The following XKRX variants were observed in gnomAD, a reference collection of about 807,000 sequenced individuals.
The protein encoded by XKRX is XK-related protein 2.
A neutral mutation model predicts 22.4 loss-of-function variants in XKRX; 11 were observed. The ratio of observed to expected loss-of-function variants is 0.49; its 90% CI spans 0.31 to 0.81. The LOEUF (loss-of-function observed/expected upper bound fraction) is 0.81. XKRX is among the 40% of genes least tolerant of loss of function. The probability of loss-of-function intolerance (pLI) is 0.05; values close to 1 mark genes in which losing one functional copy is unlikely to be tolerated. For missense variants in XKRX, 320 were observed against 336.5 expected (o/e 0.95, Z 0.38); for synonymous variants, 114 against 132.2 (o/e 0.86, Z 0.94).
At chrX:100,913,228 G>C (rs5920872), downstream of XKRX, among the ~76,000 whole-genome samples, 2,203 of 109,140 alleles carry the variant, frequency 0.02, 27 homozygotes, top group Non-Finnish European at 0.034. Flanking sequence ...GTAAACTCCT[G>C]TAGGCAGAAA....
chrX:100,890,221 T>C, the XKRX span, among the ~76,000 whole-genome samples: 1 of 110,670 alleles, frequency 9.0e-6, no homozygotes, highest in Non-Finnish European at 1.9e-5. Context: ...TTTTGGTAGA[T>C]TTAAGAAGCG....
chrX:100,911,961 C>T (rs1025247155), downstream of XKRX, among the ~76,000 whole-genome samples: 4 of 111,643 alleles, frequency 3.6e-5, no homozygotes, highest in Non-Finnish European at 5.6e-5. Context: ...AAAATTTTGC[C>T]TGGTCCAGTA....
At position 100,914,211 on chromosome X, in the gene XKRX, T is replaced by A. The variant is rs1367081794; in HGVS notation, c.*127A>T. 1.1e-5 allele frequency: 9 copies of A among 823,353 alleles called. No homozygotes were observed. The Admixed American group carries it at 2.8e-4, about 25-fold the overall frequency. 67.9% of individuals were successfully genotyped at this position (823,353 alleles called of 1,213,427 possible). On this transcript the variant is annotated 3_prime_UTR_variant, in exon 3 of 3. Coordinates refer to ENST00000372956, the MANE Select transcript of XKRX (RefSeq NM_212559.3). Reference sequence around the variant, plus strand: ...ATTTGGGAGTTGCTCTTTCTTCTGATAGGCTTAACAGAAAAGTCAAGAAAA... The same window carrying A: ...ATTTGGGAGTTGCTCTTTCTTCTGAAAGGCTTAACAGAAAAGTCAAGAAAA...
Position 100,918,700 on chromosome X carries a change from A to G in XKRX, c.605-3617T>C, listed in dbSNP as rs187289053. ...ATCTCATAGGGTTGTGGTAAAGATT[A>G]AATAAACATTTACATGTAAAGGGCT... On this transcript the variant is annotated intron_variant, in intron 2 of 2. Coordinates refer to ENST00000372956, the MANE Select transcript of XKRX (RefSeq NM_212559.3). Among the ~76,000 whole-genome samples the G allele has an allele frequency of 1.1e-4, 12 of 112,010 alleles. No individual in the cohort carries two copies. In the East Asian group the frequency reaches 3.4e-3, roughly 31 times the overall value.
the XKRX span, chrX:100,888,134 G>A: frequency 2.6e-5 from 30 of 1,170,411 alleles, no homozygotes; most frequent in South Asian, 1.2e-4. Flanking sequence ...AGTCATGGTC[G>A]TCAAAGGTTA....
chrX:100,943,748 C>A, the XKRX span, among the ~76,000 whole-genome samples: 1 of 112,058 alleles, frequency 8.9e-6, no homozygotes, highest in Non-Finnish European at 1.9e-5. Flanking sequence ...TGTGTTGCTA[C>A]ATACAGCTAT....
At chrX:100,936,577 A>T in the XKRX span, among the ~76,000 whole-genome samples, 1 of 103,340 alleles carries the variant, frequency 9.7e-6, no homozygotes, top group Non-Finnish European at 2.0e-5. Context: ...AAAAGAAAAG[A>T]AAAGAAAAGA....
At chrX:100,953,560 G>A in the XKRX span, among the ~76,000 whole-genome samples, 1 of 111,821 alleles carries the variant, frequency 8.9e-6, no homozygotes, top group African/African-American at 3.2e-5. Flanking sequence ...CATAATGGGA[G>A]AAAATTTTTG....
the XKRX span, among the ~76,000 whole-genome samples, chrX:100,904,005 A>G: frequency 7.8e-4 from 87 of 111,966 alleles, 1 homozygote; most frequent in Non-Finnish European, 1.4e-3. Context: ...ATTTATGGAG[A>G]AGCAAAAGGC....
the XKRX span, among the ~76,000 whole-genome samples, chrX:100,940,184 A>G: frequency 8.9e-6 from 1 of 111,764 alleles, no homozygotes; most frequent in South Asian, 3.7e-4. Flanking sequence ...TTTATGATCT[A>G]ATTTAACACC....
intron 2 of XKRX, among the ~76,000 whole-genome samples, chrX:100,922,409 G>A (rs1044449357): frequency 2.7e-5 from 3 of 111,983 alleles, no homozygotes; most frequent in African/African-American, 9.7e-5. Flanking sequence ...CCTACTGACT[G>A]CTGGTATTAC....
At chrX:100,931,153 TAAAAA>T (rs3833915), upstream of XKRX, among the ~76,000 whole-genome samples, 1 of 87,173 alleles carries the variant, frequency 1.1e-5, no homozygotes, top group Non-Finnish European at 2.3e-5. Context: ...AAATTAAAAA[TAAAAA>T]AAAAAAAAAA....
At chrX:100,919,616 T>C (rs2085462077) in intron 2 of XKRX, among the ~76,000 whole-genome samples, 1 of 111,676 alleles carries the variant, frequency 9.0e-6, no homozygotes, top group South Asian at 3.7e-4. Context: ...AAACAAGCAA[T>C]TCACAGAACA....
upstream of XKRX, among the ~76,000 whole-genome samples, chrX:100,932,182 G>A (rs562812713): frequency 4.3e-4 from 48 of 111,155 alleles, no homozygotes; most frequent in South Asian, 8.4e-3. Context: ...TTATTTCCCC[G>A]TTCCTTTGCC....
chrX:100,937,473 G>A, the XKRX span, among the ~76,000 whole-genome samples: 4 of 111,850 alleles, frequency 3.6e-5, no homozygotes, highest in East Asian at 1.1e-3. Context: ...AATAACTTGA[G>A]GGCAGAGAAG....
chrX:100,898,196 T>A, the XKRX span, among the ~76,000 whole-genome samples: 1 of 111,791 alleles, frequency 8.9e-6, no homozygotes, highest in Admixed American at 9.5e-5. Flanking sequence ...TTGTAATAAC[T>A]GAAGACTCTG....
chrX:100,946,859 C>T, the XKRX span, among the ~76,000 whole-genome samples: 3 of 111,509 alleles, frequency 2.7e-5, no homozygotes, highest in Non-Finnish European at 3.8e-5. Flanking sequence ...GTTTGTTCTC[C>T]GGCAGCACAG....
chrX:100,897,347 G>A, the XKRX span, among the ~76,000 whole-genome samples: 26 of 110,104 alleles, frequency 2.4e-4, no homozygotes, highest in African/African-American at 8.3e-4. Context: ...CACTTTGAGA[G>A]GCCAAGGCAG....
At chrX:100,932,009 G>A (rs2147946076), upstream of XKRX, among the ~76,000 whole-genome samples, 1 of 111,445 alleles carries the variant, frequency 9.0e-6, no homozygotes, top group African/African-American at 3.3e-5. Flanking sequence ...ATTATCACGG[G>A]CTCCTTGAGG....
Sources: gnomAD v4.1 joint callset for allele counts (sites outside exome capture counted in the v4.1 genomes callset) on GRCh38, gnomAD v4.1.1 for gene constraint, MANE v1.5 for transcripts, NCBI Gene and HGNC (gene_info 2026-07-23, HGNC 2026-07-21) for gene names.